Variants in CCDC7 observed in about 807,000 individuals in gnomAD.
CCDC7 encodes the protein coiled-coil domain containing 7, also known as coiled-coil domain-containing protein 7.
CCDC7 carries 183 observed loss-of-function variants against 196.9 expected under a neutral mutation model. That is an observed-to-expected ratio of 0.93 (90% CI 0.82 to 1.05). The LOEUF (loss-of-function observed/expected upper bound fraction) is 1.05, where lower values mean the gene tolerates loss of function less well. Among genes scored for constraint, CCDC7 ranks in the 50% least tolerant of loss-of-function variants. The probability of loss-of-function intolerance (pLI) is 0.00; values close to 1 mark genes in which losing one functional copy is unlikely to be tolerated. For missense variants in CCDC7, 1,540 were observed against 1,482.2 expected, an observed-to-expected ratio of 1.04 and a Z score of -0.64; for synonymous variants, 525 against 484.6, an observed-to-expected ratio of 1.08 and a Z score of -1.10.
rs141094523 is a variant in CCDC7, at chr10:32,840,747, A to C, written c.3353-4496A>C. On this transcript the variant is annotated intron_variant, in intron 33 of 41. Coordinates refer to ENST00000639629, the Ensembl canonical transcript of CCDC7. ...ATCCCTGATGAACATAGATGAAAAA[A>C]TCCTCAACAAAATACTACCAAACCA... Among the ~76,000 whole-genome samples, 983 of 152,208 alleles carry C rather than the reference A, an allele frequency of 6.5e-3. 8 individuals are homozygous for C. The highest frequency in any genetic ancestry group is 0.023 in the African/African-American group (937 of 41,544).
At chr10:32,777,609 C>G (rs552857108) in intron 28 of CCDC7, among the ~76,000 whole-genome samples, 1 of 152,164 alleles carries the variant, frequency 6.6e-6, no homozygotes, top group African/African-American at 2.4e-5. Context: ...GTCATCCCAG[C>G]ACTTTGGGAG....
At chr10:32,683,885 A>G (rs778948824) in intron 21 of CCDC7, among the ~76,000 whole-genome samples, 6 of 152,180 alleles carry the variant, frequency 3.9e-5, no homozygotes, top group Admixed American at 1.3e-4. Context: ...CCTGCATGAA[A>G]AGCAGTGTGG....
At chr10:32,755,118 G>A (rs1381567675) in intron 28 of CCDC7, among the ~76,000 whole-genome samples, 1 of 152,184 alleles carries the variant, frequency 6.6e-6, no homozygotes, top group Non-Finnish European at 1.5e-5. Flanking sequence ...AAGCACCTGG[G>A]AAGCTAGAAA....
chr10:32,640,339 T>A (rs921524443), intron 20 of CCDC7, among the ~76,000 whole-genome samples: 1 of 152,176 alleles, frequency 6.6e-6, no homozygotes, highest in Non-Finnish European at 1.5e-5. Context: ...TTAAAGTACT[T>A]TTTTTGTTTT....
intron 32 of CCDC7, among the ~76,000 whole-genome samples, chr10:32,834,256 A>T (rs1203202527): frequency 6.6e-6 from 1 of 152,118 alleles, no homozygotes; most frequent in Non-Finnish European, 1.5e-5. Flanking sequence ...GTTACATAAC[A>T]TAAAAAGGGG....
At chr10:32,845,318 G>T in exon 34 of CCDC7, 1 of 1,563,376 alleles carries the variant, frequency 6.4e-7, no homozygotes, top group South Asian at 1.2e-5. Context: ...CAACTAAAGG[G>T]TCACCAAAGT....
At chr10:32,540,187 A>G (rs927273558) in intron 11 of CCDC7, among the ~76,000 whole-genome samples, 1 of 152,176 alleles carries the variant, frequency 6.6e-6, no homozygotes, top group Non-Finnish European at 1.5e-5. Context: ...TACCCTGGGT[A>G]TCAATCTGGG....
At chr10:32,822,402 C>G (rs1347110739) in intron 31 of CCDC7, among the ~76,000 whole-genome samples, 1 of 152,072 alleles carries the variant, frequency 6.6e-6, no homozygotes, top group East Asian at 1.9e-4. Flanking sequence ...GAAAATAACA[C>G]TGGATGATAA....
chr10:32,639,265 C>T (rs934044416), intron 20 of CCDC7, among the ~76,000 whole-genome samples: 3 of 151,974 alleles, frequency 2.0e-5, no homozygotes, highest in African/African-American at 7.3e-5. Flanking sequence ...TTATTTCTTG[C>T]CTTCTGCTAG....
At chr10:32,845,484 A>G in intron 34 of CCDC7, 59 bp from the exon 36 acceptor site, 1 of 1,416,856 alleles carries the variant, frequency 7.1e-7, no homozygotes, top group Non-Finnish European at 9.8e-7. Context: ...ACAAAAACAC[A>G]CACAAGTATG....
chr10:32,798,656 T>C (rs901414992), intron 29 of CCDC7, among the ~76,000 whole-genome samples: 5 of 152,220 alleles, frequency 3.3e-5, no homozygotes, highest in Admixed American at 2.0e-4. Flanking sequence ...CCAGGCAAAC[T>C]ATTGGCTACA....
rs565408267 is a variant in CCDC7 at position 32,683,345 on chromosome 10, G to T, written c.2123-2625G>T. On this transcript the variant is annotated intron_variant, in intron 21 of 41. Transcript: ENST00000639629. ...CCTGAGTTCTCTAACCCATTTCCTT[G>T]GTCTATGTGTATGTTTTTATACCAC... is the stretch of plus-strand genomic sequence containing the variant. Among the ~76,000 whole-genome samples the T allele has an allele frequency of 3.3e-5, 5 of 152,124 alleles. No individual in the cohort carries two copies. The South Asian group carries it at 6.2e-4, about 19-fold the overall frequency.
At chr10:32,811,796 T>C (rs2135353982) in intron 30 of CCDC7, among the ~76,000 whole-genome samples, 1 of 152,224 alleles carries the variant, frequency 6.6e-6, no homozygotes, top group South Asian at 2.1e-4. Flanking sequence ...ATATCTCTGA[T>C]GAACATCAAC....
intron 13 of CCDC7, among the ~76,000 whole-genome samples, chr10:32,546,003 GA>G (rs2052400411): frequency 1.3e-5 from 2 of 151,870 alleles, no homozygotes; most frequent in African/African-American, 4.8e-5. Context: ...TAGAGAAGGA[GA>G]GGTGGAGGAG....
At chr10:32,836,686 G>C (rs1490988955) in intron 33 of CCDC7, among the ~76,000 whole-genome samples, 3 of 152,138 alleles carry the variant, frequency 2.0e-5, no homozygotes, top group Non-Finnish European at 4.4e-5. Context: ...GTCTTCTTTT[G>C]AGAAGTGTCT....
chr10:32,563,530 A>G (rs1019346533), intron 13 of CCDC7, among the ~76,000 whole-genome samples: 2 of 152,218 alleles, frequency 1.3e-5, no homozygotes, highest in East Asian at 1.9e-4. Flanking sequence ...GACAAACCTG[A>G]GAAAAATAAG....
chr10:32,448,529 T>C (rs1246107583), upstream of CCDC7, among the ~76,000 whole-genome samples: 1 of 152,082 alleles, frequency 6.6e-6, no homozygotes, highest in Non-Finnish European at 1.5e-5. Flanking sequence ...GTGGTTTTAT[T>C]TATAACATCT....
intron 20 of CCDC7, among the ~76,000 whole-genome samples, chr10:32,660,309 T>C (rs1290379308): frequency 7.3e-6 from 1 of 136,742 alleles, no homozygotes; most frequent in Admixed American, 7.7e-5. Context: ...CAGAGTGTGA[T>C]GTTCCCCTTC....
At position 32,847,821 on chromosome 10, in the gene CCDC7, T is replaced by C. The variant is rs1301823481; in HGVS notation, c.3689-12T>C. 2 of 1,556,926 alleles carry C rather than the reference T, an allele frequency of 1.3e-6. No individual in the cohort carries two copies. The highest frequency in any genetic ancestry group is 3.8e-5 in the Admixed American group (2 of 53,082). On this transcript the variant is annotated splice_polypyrimidine_tract_variant and intron_variant, in intron 37 of 41. Transcript: ENST00000639629. ...CTTAAAAAGTGTTTTGAAATGTGTT[T>C]TATGTCTATAGAGACTGATGTAGAA...
Sources: gnomAD v4.1 joint callset for allele counts (sites outside exome capture counted in the v4.1 genomes callset) on GRCh38, gnomAD v4.1.1 for gene constraint, MANE v1.5 for transcripts, NCBI Gene and HGNC (gene_info 2026-07-23, HGNC 2026-07-21) for gene names.